Variants in PPFIA4 observed in about 807,000 individuals in gnomAD.
The protein encoded by PPFIA4 is liprin-alpha-4.
In PPFIA4, 98 loss-of-function variants were observed where a neutral mutation model predicts 145.7. The observed-to-expected ratio is 0.67, with a 90% CI of 0.57 to 0.80. The LOEUF is 0.80. Among genes scored for constraint, PPFIA4 ranks in the 30% least tolerant of loss-of-function variants. The pLI, the probability that PPFIA4 is intolerant of heterozygous loss-of-function variation, is 0.00. For missense variants in PPFIA4, 1,457 were observed against 1,632.7 expected (o/e 0.89, Z 1.85); for synonymous variants, 628 against 649.6 (o/e 0.97, Z 0.51).
chr1:203,053,381 A>C (rs1432848744), intron 14 of PPFIA4, among the ~76,000 whole-genome samples: 1 of 151,868 alleles, frequency 6.6e-6, no homozygotes, highest in Non-Finnish European at 1.5e-5. Context: ...AAAATACAAA[A>C]AATCAGCCGG....
chr1:203,061,641 G>T lies in PPFIA4; in HGVS notation c.2848-11G>T. On this transcript the variant is annotated splice_polypyrimidine_tract_variant and intron_variant, in intron 23 of 29. Transcript: ENST00000295706. ...CTGTTTCCCCTAACACGCTGCACTC[G>T]TTCCTGCTAGGACAGTGAGGAGGGC... The T allele has an allele frequency of 6.4e-7, 1 of 1,562,320 alleles. No individual in the cohort carries two copies. The highest frequency in any genetic ancestry group is 1.2e-5 in the South Asian group (1 of 84,350).
At chr1:203,046,144 C>T (rs1660067812) in intron 8 of PPFIA4, 104 bp from the exon 9 acceptor site, 1 of 1,545,248 alleles carries the variant, frequency 6.5e-7, no homozygotes, top group South Asian at 1.2e-5. Flanking sequence ...CCAAGATTGT[C>T]CCTTGCTGCT....
Position 203,068,532 on chromosome 1 carries a change from T to C in PPFIA4, c.3228T>C (p.His1076=). 2 of 1,608,420 alleles carry C rather than the reference T, an allele frequency of 1.2e-6. No individual in the cohort carries two copies. The highest frequency in any genetic ancestry group is 8.5e-7 in the Non-Finnish European group (1 of 1,177,382). The part of the protein sequence containing the change: ...IGLRDYAGNL[H]ESGVHGALLA... ...TCCGGGACTACGCAGGAAACCTGCA[T>C]GAGAGTGGTGTGCATGGAGCCTTGC... Residue 1076 remains histidine (H), a synonymous_variant, in exon 27 of 30, where the codon CAT becomes CAC. Coordinates refer to ENST00000295706, the MANE Select transcript of PPFIA4 (RefSeq NM_001304331.2). This position sits in a 1 kb window ranked among gnomAD's most constrained non-coding sequence, Gnocchi z 4.7.
chr1:203,067,564 G>T, intron 25 of PPFIA4, 131 bp from the exon 26 acceptor site: 2 of 728,174 alleles, frequency 2.7e-6, no homozygotes, highest in Non-Finnish European at 4.8e-6. Flanking sequence ...GGAGGAGCAT[G>T]AGGAGGCTGG....
At chr1:203,032,812 T>G (rs1571654674) in intron 1 of PPFIA4, among the ~76,000 whole-genome samples, 2 of 152,084 alleles carry the variant, frequency 1.3e-5, no homozygotes. Flanking sequence ...TATGGCTAGG[T>G]GAAACCTGTG....
chr1:203,031,441 C>T (rs572023626), intron 1 of PPFIA4, among the ~76,000 whole-genome samples: 5 of 126,936 alleles, frequency 3.9e-5, no homozygotes, highest in African/African-American at 1.5e-4. Flanking sequence ...CACTCTGTTG[C>T]ATGACGACAC....
chr1:203,074,733 G>A (rs1662402313), intron 28 of PPFIA4, among the ~76,000 whole-genome samples: 2 of 152,038 alleles, frequency 1.3e-5, no homozygotes, highest in South Asian at 4.1e-4. Context: ...CAAGCAGGGT[G>A]GATAAAGGCT....
chr1:203,054,192 G>A, intron 15 of PPFIA4: 1 of 687,574 alleles, frequency 1.5e-6, no homozygotes, highest in South Asian at 1.5e-5. Context: ...CGATGTGGCT[G>A]GGCTCAGGAG....
At chr1:203,028,244 G>C (rs565617865) in intron 1 of PPFIA4, among the ~76,000 whole-genome samples, 38 of 152,142 alleles carry the variant, frequency 2.5e-4, no homozygotes, top group Non-Finnish European at 3.8e-4. Context: ...TCAGAACCGT[G>C]TGGTGCATGA....
chr1:203,075,853 C>T lies in PPFIA4; in HGVS notation c.3574+96C>T. The T allele has an allele frequency of 8.2e-7, 1 of 1,218,962 alleles. No homozygotes were observed. Among genetic ancestry groups the T allele is most frequent in the Non-Finnish European group, 1.1e-6 (1 of 937,740 alleles). The allele number at this position is 1,218,962 out of a possible 1,614,324, so 75.5% of individuals were successfully genotyped here. The stretch of plus-strand genomic sequence containing the variant: ...CGGGCCGGGTGGAGAGGGGCGAGGC[C>T]GAGGCTGGTGCCCCGCGCTCCTGCG... On this transcript the variant is annotated intron_variant, in intron 29 of 29. Coordinates refer to ENST00000295706, the MANE Select transcript of PPFIA4 (RefSeq NM_001304331.2). The surrounding 1 kb of genome is among the most constrained non-coding windows in gnomAD (Gnocchi z 4.1).
At chr1:203,036,341 C>G (rs1389775364) in intron 1 of PPFIA4, among the ~76,000 whole-genome samples, 1 of 152,148 alleles carries the variant, frequency 6.6e-6, no homozygotes, top group Non-Finnish European at 1.5e-5. Flanking sequence ...CAGGACTGTA[C>G]CCCAGTCTCC....
chr1:203,041,233 G>A (rs1479868733), intron 2 of PPFIA4, among the ~76,000 whole-genome samples: 1 of 152,228 alleles, frequency 6.6e-6, no homozygotes, highest in Non-Finnish European at 1.5e-5. Flanking sequence ...GGTGATCCAG[G>A]TTGACTGGGT....
At chr1:203,061,470 A>G (rs1009037619) in intron 23 of PPFIA4, 182 bp from the exon 24 acceptor site, 20 of 593,600 alleles carry the variant, frequency 3.4e-5, no homozygotes, top group Non-Finnish European at 5.2e-5. Flanking sequence ...CCCCACCTCA[A>G]CGCAAACATG....
At chr1:203,049,817 C>G in intron 13 of PPFIA4, 50 bp downstream of exon 13, 20 of 1,420,962 alleles carry the variant, frequency 1.4e-5, no homozygotes, top group Non-Finnish European at 1.9e-5. Flanking sequence ...CCTGATGGAC[C>G]GTGAGGAAGG....
chr1:203,050,430 G>A (rs1660422561), intron 13 of PPFIA4, among the ~76,000 whole-genome samples: 1 of 152,200 alleles, frequency 6.6e-6, no homozygotes, highest in Non-Finnish European at 1.5e-5. Context: ...GAGGTGGGGT[G>A]AAGACAGGGG....
chr1:203,036,956 G>A (rs1312906718), intron 1 of PPFIA4, among the ~76,000 whole-genome samples: 1 of 152,192 alleles, frequency 6.6e-6, no homozygotes, highest in African/African-American at 2.4e-5. Context: ...GCATGGGAGT[G>A]TGTATGTGGC....
rs1397126291 is a variant in PPFIA4 at position 203,056,869 on chromosome 1, A to C, written c.2326A>C (p.Lys776Gln). The C allele has an allele frequency of 6.2e-7, 1 of 1,614,086 alleles. No individual in the cohort carries two copies. Among genetic ancestry groups the C allele is most frequent in the Non-Finnish European group, 8.5e-7 (1 of 1,179,900 alleles). ...LHKGAKRKGI[K>Q]SSIGRLFGKK... ...CAAGGGCGCCAAGCGCAAGGGCATC[A>C]AGTCGTCCATTGGCCGCCTGTTTGG... is the stretch of plus-strand genomic sequence containing the variant. Residue 776 changes from lysine (K) to glutamine (Q), a missense_variant, in exon 19 of 30, where the codon AAG becomes CAG. Lys to Gln is a moderately conservative substitution (Grantham distance 53). Coordinates refer to ENST00000295706, the MANE Select transcript of PPFIA4 (RefSeq NM_001304331.2).
intron 1 of PPFIA4, among the ~76,000 whole-genome samples, chr1:203,035,896 A>G (rs1382504818): frequency 1.3e-5 from 2 of 152,198 alleles, no homozygotes; most frequent in African/African-American, 4.8e-5. Context: ...CCAGCTTTAC[A>G]TGATGCCATT....
chr1:203,073,100 A>G (rs1662283675), intron 28 of PPFIA4, among the ~76,000 whole-genome samples: 1 of 152,154 alleles, frequency 6.6e-6, no homozygotes, highest in African/African-American at 2.4e-5. Context: ...ATATTCTTTG[A>G]ATGCCTGCCC....
Sources: gnomAD v4.1 joint callset for allele counts (sites outside exome capture counted in the v4.1 genomes callset) on GRCh38, gnomAD v4.1.1 for gene constraint, Gnocchi (gnomAD v3.1) non-coding constraint, MANE v1.5 for transcripts, NCBI Gene and HGNC (gene_info 2026-07-23, HGNC 2026-07-21) for gene names.